The following IGF2BP2 variants were observed in gnomAD, a reference collection of about 807,000 sequenced individuals.
IGF2BP2 encodes the protein insulin like growth factor 2 mRNA binding protein 2, also known as insulin-like growth factor 2 mRNA-binding protein 2.
In IGF2BP2, 17 loss-of-function variants were observed where a neutral mutation model predicts 75.8. That is an observed-to-expected ratio of 0.22 (90% CI 0.15 to 0.34). The LOEUF is 0.34. Among genes scored for constraint, IGF2BP2 ranks in the 10% least tolerant of loss-of-function variants. IGF2BP2 has a pLI of 1.00. For missense variants in IGF2BP2, 516 were observed against 772.4 expected, an observed-to-expected ratio of 0.67 and a Z score of 3.93; for synonymous variants, 288 against 295.6, an observed-to-expected ratio of 0.97 and a Z score of 0.26.
chr3:185,709,097 A>G (rs1376810824), intron 2 of IGF2BP2, among the ~76,000 whole-genome samples: 3 of 152,198 alleles, frequency 2.0e-5, no homozygotes, highest in Non-Finnish European at 4.4e-5. Flanking sequence ...TCATCATTTG[A>G]GCTCAGATAA....
chr3:185,718,698 A>AG (rs1159140726), intron 2 of IGF2BP2, among the ~76,000 whole-genome samples: 2 of 151,060 alleles, frequency 1.3e-5, no homozygotes, highest in African/African-American at 2.4e-5. Flanking sequence ...AAAAAAAAAA[A>AG]AAAAAAAAAA....
chr3:185,694,615 C>G (rs896000152), intron 4 of IGF2BP2, among the ~76,000 whole-genome samples: 5 of 152,200 alleles, frequency 3.3e-5, no homozygotes. Context: ...TGTTAGGCAG[C>G]TGGAAACTGG....
At chr3:185,654,255 G>A (rs922421728) in intron 12 of IGF2BP2, among the ~76,000 whole-genome samples, 7 of 152,164 alleles carry the variant, frequency 4.6e-5, no homozygotes, top group South Asian at 2.1e-4. Context: ...GGCCTCGGCC[G>A]AAAAACACGG....
intron 10 of IGF2BP2, among the ~76,000 whole-genome samples, chr3:185,663,234 G>A (rs569764526): frequency 1.3e-5 from 2 of 152,250 alleles, no homozygotes; most frequent in South Asian, 2.1e-4. Flanking sequence ...ATTTTATGAC[G>A]GAGAAGCTAC....
intron 2 of IGF2BP2, chr3:185,713,416 C>T (rs541044561): frequency 3.5e-5 from 18 of 519,864 alleles, no homozygotes; most frequent in South Asian, 1.5e-4. Context: ...CAGCAGTGGG[C>T]GGCTTGGTTT....
intron 2 of IGF2BP2, among the ~76,000 whole-genome samples, chr3:185,757,435 CCCT>C (rs1731763969): frequency 6.6e-6 from 1 of 151,516 alleles, no homozygotes; most frequent in African/African-American, 2.4e-5. Flanking sequence ...TTAAGTATAG[CCCT>C]TGGAGAGACT....
At chr3:185,798,574 A>G (rs1253614190) in intron 2 of IGF2BP2, among the ~76,000 whole-genome samples, 1 of 152,128 alleles carries the variant, frequency 6.6e-6, no homozygotes, top group Admixed American at 6.5e-5. Context: ...TTTATGACAC[A>G]TTATTGGTCC....
chr3:185,718,829 C>T (rs562762965), intron 2 of IGF2BP2, among the ~76,000 whole-genome samples: 2 of 152,086 alleles, frequency 1.3e-5, no homozygotes, highest in Admixed American at 1.3e-4. Context: ...ATGAACACAG[C>T]GCAGAAGTGA....
At position 185,658,371 on chromosome 3, in the gene IGF2BP2, G is replaced by C. The variant is rs762887896; in HGVS notation, c.1239C>G (p.His413Gln). 49 of 1,613,916 alleles carry C rather than the reference G, an allele frequency of 3.0e-5. No homozygotes were observed. Among genetic ancestry groups the C allele is most frequent in the Non-Finnish European group, 4.1e-5 (48 of 1,179,950 alleles). ...SGYFSSLYPH[H>Q]QFGPFPHHHS... ...GATGATGCGGGAACGGGCCAAACTG[G>C]TGATGGGGGTACAGGCTGGAGAAGT... Residue 413 changes from histidine (H) to glutamine (Q), a missense_variant, in exon 11 of 16, where the codon CAC (histidine) becomes CAG (glutamine). Around this residue, in one of 3 missense-constraint regions of IGF2BP2, gnomAD observed 75 missense variants for 67.4 expected, o/e 1.11. Coordinates refer to ENST00000382199, the MANE Select transcript of IGF2BP2 (RefSeq NM_006548.6).
At chr3:185,718,926 T>C (rs1379527161) in intron 2 of IGF2BP2, among the ~76,000 whole-genome samples, 1 of 152,154 alleles carries the variant, frequency 6.6e-6, no homozygotes, top group African/African-American at 2.4e-5. Flanking sequence ...CCCAAGAAGC[T>C]GCTCCTTACA....
chr3:185,714,012 T>C (rs775919078), intron 2 of IGF2BP2, among the ~76,000 whole-genome samples: 4 of 152,266 alleles, frequency 2.6e-5, no homozygotes, highest in Admixed American at 6.5e-5. Context: ...AAGTACTGTA[T>C]ATTCTTTGCA....
chr3:185,669,199 T>TC (rs1718133830), intron 10 of IGF2BP2, among the ~76,000 whole-genome samples: 1 of 152,182 alleles, frequency 6.6e-6, no homozygotes, highest in Non-Finnish European at 1.5e-5. Flanking sequence ...CAAAATTATA[T>TC]ACTATGTATC....
intron 2 of IGF2BP2, chr3:185,820,892 G>A: frequency 1.1e-6 from 1 of 872,714 alleles, no homozygotes; most frequent in Non-Finnish European, 1.7e-6. Context: ...ACCACATATA[G>A]AATTGACTTA....
chr3:185,650,010 A>C (rs763747347), intron 13 of IGF2BP2, among the ~76,000 whole-genome samples: 25 of 152,076 alleles, frequency 1.6e-4, no homozygotes, highest in Non-Finnish European at 2.9e-5. Context: ...TAATTAAAAA[A>C]ATTTCTAATG....
At chr3:185,824,663 G>C (rs970947468) in intron 1 of IGF2BP2, 120 bp downstream of exon 1, 1 of 622,992 alleles carries the variant, frequency 1.6e-6, no homozygotes. Context: ...GTGCGTGGAA[G>C]TGAGCGTGCG....
intron 10 of IGF2BP2, among the ~76,000 whole-genome samples, chr3:185,670,075 T>G (rs1433860715): frequency 2.0e-5 from 3 of 152,240 alleles, no homozygotes; most frequent in South Asian, 2.1e-4. Flanking sequence ...GAAGCTACTC[T>G]AATATTGACC....
Position 185,687,191 on chromosome 3 carries a change from C to A in IGF2BP2, c.678G>T (p.Arg226=), listed in dbSNP as rs763856516. 1 of 1,599,908 alleles carries A rather than the reference C, an allele frequency of 6.3e-7. No individual in the cohort carries two copies. The highest frequency in any genetic ancestry group is 1.4e-5 in the African/African-American group (1 of 73,514). ...IKNITKQTQS[R]VDIHRKENSG... The stretch of plus-strand genomic sequence containing the variant: ...AGTTCTCTTTTCTATGGATATCTAC[C>A]CTGTAGGAAAAGAATCAGGAGCCAT... The change falls in exon 7 of 16, where the codon CGG becomes CGT. Residue 226 remains arginine (R), a splice_region_variant and synonymous_variant. Coordinates refer to ENST00000382199, the MANE Select transcript of IGF2BP2 (RefSeq NM_006548.6).
intron 2 of IGF2BP2, among the ~76,000 whole-genome samples, chr3:185,731,800 C>T (rs1290657305): frequency 6.6e-6 from 1 of 151,700 alleles, no homozygotes; most frequent in African/African-American, 2.4e-5. Flanking sequence ...ATGGTGAAAC[C>T]CCATCTCTAC....
intron 2 of IGF2BP2, among the ~76,000 whole-genome samples, chr3:185,765,634 C>T (rs1732936563): frequency 6.6e-6 from 1 of 152,210 alleles, no homozygotes; most frequent in South Asian, 2.1e-4. Flanking sequence ...ACATGAAAGG[C>T]ACGCAGAAGT....
Sources: gnomAD v4.1 joint callset for allele counts (sites outside exome capture counted in the v4.1 genomes callset) on GRCh38, gnomAD v4.1.1 for gene constraint, gnomAD v4.1.1 regional missense constraint, MANE v1.5 for transcripts, NCBI Gene and HGNC (gene_info 2026-07-23, HGNC 2026-07-21) for gene names.